The following FAHD2A variants were observed in gnomAD, a reference collection of about 807,000 sequenced individuals.
FAHD2A encodes oxaloacetate tautomerase FAHD2A, mitochondrial.
In FAHD2A, 27 loss-of-function variants were observed where a neutral mutation model predicts 33.4. That is an observed-to-expected ratio of 0.81 (90% CI 0.60 to 1.11). FAHD2A has a LOEUF of 1.11. Among genes scored for constraint, FAHD2A ranks in the 50% most tolerant of loss-of-function variants. FAHD2A has a pLI of 0.00. For missense variants in FAHD2A, 296 were observed against 395.0 expected, an observed-to-expected ratio of 0.75 and a Z score of 2.12; for synonymous variants, 130 against 153.3, an observed-to-expected ratio of 0.85 and a Z score of 1.12.
intron 1 of FAHD2A, among the ~76,000 whole-genome samples, chr2:95,403,152 GC>G (rs1225979422): frequency 1.3e-5 from 2 of 152,176 alleles, no homozygotes; most frequent in Non-Finnish European, 2.9e-5. Context: ...TCATGTCGCC[GC>G]CCCTTTGCTT....
chr2:95,419,443 AAGG>A (rs1273950610), downstream of FAHD2A, among the ~76,000 whole-genome samples: 1 of 152,070 alleles, frequency 6.6e-6, no homozygotes, highest in African/African-American at 2.4e-5. Flanking sequence ...AAAAGATTAA[AAGG>A]AGAACTCAAG....
intron 3 of FAHD2A, among the ~76,000 whole-genome samples, chr2:95,409,862 A>G (rs995662804): frequency 6.6e-6 from 1 of 152,184 alleles, no homozygotes; most frequent in Non-Finnish European, 1.5e-5. Context: ...TAGGCTTATC[A>G]TGTACTGTCT....
chr2:95,420,029 T>C (rs1683293264), downstream of FAHD2A, among the ~76,000 whole-genome samples: 1 of 151,988 alleles, frequency 6.6e-6, no homozygotes, highest in Non-Finnish European at 1.5e-5. Context: ...AGTTCAAAGG[T>C]AGAAGACTGA....
At position 95,415,248 on chromosome 2, in the gene FAHD2A, A is replaced by G. The variant is rs1204152897; in HGVS notation, c.*2291A>G. Reference sequence around the variant, plus strand: ...CAACTCCATGTCCACCAAGCACTGCATGTAGGACAGGGCACAGTTTGGAGG... The same window carrying G: ...CAACTCCATGTCCACCAAGCACTGCGTGTAGGACAGGGCACAGTTTGGAGG... On this transcript the variant is annotated 3_prime_UTR_variant, in exon 8 of 8. Coordinates refer to ENST00000233379, the MANE Select transcript of FAHD2A (RefSeq NM_016044.3). The G allele has an allele frequency of 6.6e-6, 1 of 152,134 alleles. No homozygotes were observed. The highest frequency in any genetic ancestry group is 1.5e-5 in the Non-Finnish European group (1 of 68,032). 9.4% of individuals were successfully genotyped at this position (152,134 alleles called of 1,614,324 possible). A position where few individuals can be genotyped will look rare whatever the true frequency, so the allele number is the denominator to read the frequency against.
chr2:95,411,345 AGCATAGTTATCCCAAG>A (rs1301880554), intron 5 of FAHD2A, among the ~76,000 whole-genome samples: 1 of 152,230 alleles, frequency 6.6e-6, no homozygotes, highest in African/African-American at 2.4e-5. Context: ...AGCATCATGG[AGCATAGTTATCCCAAG>A]GCCAAGGCAT....
chr2:95,419,977 C>T (rs566289434), downstream of FAHD2A, among the ~76,000 whole-genome samples: 153 of 152,044 alleles, frequency 1.0e-3, 1 homozygote, highest in Non-Finnish European at 1.3e-3. Context: ...ACAGTCCAAG[C>T]CCAAAGGCCT....
chr2:95,413,680 G>A lies in FAHD2A; in HGVS notation c.*723G>A. ...TGCCTTGAGACCTCTGACCCCTTAG[G>A]CCTCAGTGTTTGAGTGCAAATGCTG... On this transcript the variant is annotated 3_prime_UTR_variant, in exon 8 of 8. Coordinates refer to ENST00000233379, the MANE Select transcript of FAHD2A (RefSeq NM_016044.3). 1.7e-6 allele frequency: 2 copies of A among 1,186,054 alleles called. No homozygotes were observed. The highest frequency in any genetic ancestry group is 2.6e-5 in the East Asian group (1 of 38,504). The allele number at this position is 1,186,054 out of a possible 1,614,324, so 73.5% of individuals were successfully genotyped here.
Position 95,413,389 on chromosome 2 carries a change from G to A in FAHD2A, c.*432G>A. 4.4e-6 allele frequency: 7 copies of A among 1,573,184 alleles called. No homozygotes were observed. Among genetic ancestry groups the A allele is most frequent in the Non-Finnish European group, 6.0e-6 (7 of 1,167,910 alleles). ...TTTGCAGCCTCCTCTCCATCTTCTG[G>A]CTCTAGGACACAGCTGTGTTCTGGG... is the stretch of plus-strand genomic sequence containing the variant. On this transcript the variant is annotated 3_prime_UTR_variant, in exon 8 of 8. Transcript: ENST00000233379.
chr2:95,411,094 A>G, intron 5 of FAHD2A, 68 bp downstream of exon 5: 7 of 1,590,614 alleles, frequency 4.4e-6, no homozygotes, highest in Non-Finnish European at 6.0e-6. Flanking sequence ...AGGGAGGAGC[A>G]TGGGTTCAGG....
chr2:95,418,460 T>C (rs1450133395), downstream of FAHD2A, among the ~76,000 whole-genome samples: 2 of 151,866 alleles, frequency 1.3e-5, no homozygotes, highest in East Asian at 1.9e-4. Flanking sequence ...GAAGAGAATG[T>C]GACCAAGGCC....
downstream of FAHD2A, among the ~76,000 whole-genome samples, chr2:95,419,804 GGA>G (rs760904948): frequency 0.024 from 3,643 of 151,148 alleles, 67 homozygotes; most frequent in East Asian, 0.07. Context: ...ATCTATACAT[GGA>G]GAGAGAGAGA....
rs752391845 is a variant in FAHD2A at position 95,407,107 on chromosome 2, A to G, written c.412A>G (p.Ser138Gly). 6.8e-6 allele frequency: 11 copies of G among 1,612,086 alleles called. No homozygotes were observed. The East Asian group carries it at 2.0e-4, about 29-fold the overall frequency. ...GCCCATCATCTTCAGCAAGTTTGCC[A>G]GCTCCATCGTGGGGCCCTATGATGA... The part of the protein sequence containing the change: ...KEPIIFSKFA[S>G]SIVGPYDEVV... Residue 138 changes from serine to glycine, a missense_variant, in exon 3 of 8, where the codon AGC becomes GGC. By Grantham distance (56) the Ser-to-Gly change is moderately conservative. Coordinates refer to ENST00000233379, the MANE Select transcript of FAHD2A (RefSeq NM_016044.3).
intron 1 of FAHD2A, among the ~76,000 whole-genome samples, chr2:95,404,048 A>G (rs898860822): frequency 6.6e-6 from 1 of 152,170 alleles, no homozygotes; most frequent in African/African-American, 2.4e-5. Flanking sequence ...AGTCTAATGA[A>G]TCTTCAACTG....
Position 95,412,724 on chromosome 2 carries a change from C to T in FAHD2A, c.842C>T (p.Pro281Leu). 1 of 1,614,180 alleles carries T rather than the reference C, an allele frequency of 6.2e-7. No homozygotes were observed. Among genetic ancestry groups the T allele is most frequent in the Non-Finnish European group, 8.5e-7 (1 of 1,180,022 alleles). ...GATGTCATCCTAACTGGGACCCCCC[C>T]AGGTGTCGGTGTATTCAGGAAACCT... ...PGDVILTGTPPGVGVFRKPPV... is the reference protein window; with the variant it reads ...PGDVILTGTPLGVGVFRKPPV... The change falls in exon 7 of 8, where the codon CCA becomes CTA. Residue 281 changes from proline (P) to leucine (L), a missense_variant. By Grantham distance (98) the Pro-to-Leu change is moderately conservative. Coordinates refer to ENST00000233379, the MANE Select transcript of FAHD2A (RefSeq NM_016044.3).
At chr2:95,409,882 C>T (rs1236191912) in intron 3 of FAHD2A, among the ~76,000 whole-genome samples, 2 of 152,180 alleles carry the variant, frequency 1.3e-5, no homozygotes, top group African/African-American at 4.8e-5. Flanking sequence ...TGTCTTGGAA[C>T]TGGAATTGGC....
At chr2:95,407,647 A>G (rs972844572) in intron 3 of FAHD2A, 1 of 158,250 alleles carries the variant, frequency 6.3e-6, no homozygotes, top group African/African-American at 2.4e-5. Flanking sequence ...GGCTTCTATA[A>G]ATAAATGTTG....
At chr2:95,408,638 A>G (rs1436115214) in intron 3 of FAHD2A, among the ~76,000 whole-genome samples, 1 of 152,180 alleles carries the variant, frequency 6.6e-6, no homozygotes, top group Non-Finnish European at 1.5e-5. Flanking sequence ...ATTCACTATC[A>G]TGAGAACAGC....
At chr2:95,411,079 G>A (rs192125504) in intron 5 of FAHD2A, 53 bp downstream of exon 5, 250 of 1,601,366 alleles carry the variant, frequency 1.6e-4, no homozygotes, top group Admixed American at 4.4e-4. Context: ...GATGAACAGC[G>A]CTTCAGGGAG....
Position 95,408,035 on chromosome 2 carries a change from ATT to A in FAHD2A, c.462+901_462+902del, listed in dbSNP as rs11377714. On this transcript the variant is annotated intron_variant, in intron 3 of 7. Coordinates refer to ENST00000233379, the MANE Select transcript of FAHD2A (RefSeq NM_016044.3). ...CCTGCCCTCCACATGGCAAACACAC[ATT>A]TTTTTTTTTTTTTTTTTTTTTTGCA... 8.5e-3 allele frequency among the ~76,000 whole-genome samples: 803 copies of A among 94,668 alleles called. 7 individuals carry two copies. The highest frequency in any genetic ancestry group is 0.031 in the African/African-American group (754 of 24,440). 62.1% of individuals were successfully genotyped at this position (94,668 alleles called of 152,430 possible). A position where few individuals can be genotyped will look rare whatever the true frequency, so the allele number is the denominator to read the frequency against.
Sources: allele counts gnomAD v4.1 joint callset (sites outside exome capture counted in the v4.1 genomes callset), GRCh38; gene constraint gnomAD v4.1.1; transcripts MANE v1.5; gene names NCBI Gene and HGNC (gene_info 2026-07-23, HGNC 2026-07-21).